CTNNBL1: variants seen among roughly 807,000 people sequenced by gnomAD.
CTNNBL1 encodes beta-catenin-like protein 1.
In CTNNBL1, 31 loss-of-function variants were observed where a neutral mutation model predicts 72.7. The ratio of observed to expected loss-of-function variants is 0.43; its 90% CI spans 0.32 to 0.58. The LOEUF is 0.58. CTNNBL1 is among the 20% of genes least tolerant of loss of function. The pLI, the probability that CTNNBL1 is intolerant of heterozygous loss-of-function variation, is 0.08. For synonymous variants in CTNNBL1, 240 were observed against 267.3 expected (o/e 0.90, Z 1.00); for missense variants, 534 against 725.1 (o/e 0.74, Z 3.03).
At chr20:37,721,759 T>G (rs2073042159) in intron 1 of CTNNBL1, among the ~76,000 whole-genome samples, 1 of 152,254 alleles carries the variant, frequency 6.6e-6, no homozygotes, top group African/African-American at 2.4e-5. Flanking sequence ...TTACTATTTA[T>G]GCATGCATCC....
At chr20:37,792,812 C>CT (rs2073737797) in intron 10 of CTNNBL1, among the ~76,000 whole-genome samples, 1 of 152,206 alleles carries the variant, frequency 6.6e-6, no homozygotes, top group African/African-American at 2.4e-5. Flanking sequence ...GCTACTTTAG[C>CT]TGTGTCATAT....
chr20:37,768,003 G>T lies in CTNNBL1; in HGVS notation c.709G>T (p.Ala237Ser), dbSNP rs2073485971. 2 of 1,613,922 alleles carry T rather than the reference G, an allele frequency of 1.2e-6. No individual in the cohort carries two copies. Among genetic ancestry groups the T allele is most frequent in the African/African-American group, 2.7e-5 (2 of 74,888 alleles). Residue 237 changes from alanine to serine, a missense_variant, in exon 7 of 16, where the codon GCC becomes TCC. Ala to Ser is a moderately conservative substitution (Grantham distance 99). Transcript: ENST00000361383. ...CCGGCCTGAGATGTGTACAGAGGGTGCCCAGCAGGGTCTTCTACAGTGGCT... is the reference window on the plus strand; with the variant it reads ...CCGGCCTGAGATGTGTACAGAGGGTTCCCAGCAGGGTCTTCTACAGTGGCT... ...EFRPEMCTEGAQQGLLQWLLK... is the reference protein window; with the variant it reads ...EFRPEMCTEGSQQGLLQWLLK...
intron 11 of CTNNBL1, among the ~76,000 whole-genome samples, chr20:37,820,733 TG>T (rs1470821857): frequency 3.3e-5 from 5 of 152,182 alleles, no homozygotes; most frequent in Non-Finnish European, 1.5e-5. Flanking sequence ...CTGCCATGAT[TG>T]TAAGTTTCCT....
At chr20:37,857,034 G>A (rs2072449296) in intron 13 of CTNNBL1, among the ~76,000 whole-genome samples, 1 of 152,146 alleles carries the variant, frequency 6.6e-6, no homozygotes, top group South Asian at 2.1e-4. Context: ...CTAGCAACTG[G>A]TAATTATGAG....
chr20:37,804,865 C>T (rs906351693), intron 11 of CTNNBL1, among the ~76,000 whole-genome samples: 7 of 152,206 alleles, frequency 4.6e-5, no homozygotes, highest in Non-Finnish European at 8.8e-5. Context: ...TTAGAGTAAC[C>T]GCATTAGGCA....
chr20:37,740,312 A>T (rs971930395), intron 3 of CTNNBL1, among the ~76,000 whole-genome samples: 12 of 152,202 alleles, frequency 7.9e-5, no homozygotes, highest in African/African-American at 2.7e-4. Context: ...GGTGAAATTA[A>T]GATGAAAATT....
intron 9 of CTNNBL1, among the ~76,000 whole-genome samples, chr20:37,778,111 A>G (rs1448880278): frequency 1.3e-5 from 2 of 152,140 alleles, no homozygotes; most frequent in East Asian, 3.9e-4. Flanking sequence ...GAATAAGCTC[A>G]AGGAGTACAA....
intron 1 of CTNNBL1, among the ~76,000 whole-genome samples, chr20:37,718,389 C>T (rs1298755350): frequency 1.7e-4 from 24 of 141,032 alleles, no homozygotes; most frequent in East Asian, 6.4e-4. Context: ...ACCTCCGGGA[C>T]GGGGCGGCTG....
At chr20:37,863,973 G>A (rs1349949702) in intron 15 of CTNNBL1, among the ~76,000 whole-genome samples, 18 of 152,212 alleles carry the variant, frequency 1.2e-4, no homozygotes, top group African/African-American at 4.3e-4. Flanking sequence ...GGGGAAGCCA[G>A]TCTGCAGCAG....
At chr20:37,851,151 C>T (rs1319662205) in intron 13 of CTNNBL1, among the ~76,000 whole-genome samples, 5 of 152,182 alleles carry the variant, frequency 3.3e-5, no homozygotes, top group African/African-American at 1.2e-4. Flanking sequence ...CCTTGTGTGT[C>T]TTTGGAGATG....
intron 1 of CTNNBL1, among the ~76,000 whole-genome samples, chr20:37,708,598 C>T (rs545578549): frequency 6.6e-6 from 1 of 152,330 alleles, no homozygotes; most frequent in Non-Finnish European, 1.5e-5. Flanking sequence ...AGAATTCCAG[C>T]AGTGACTGAT....
chr20:37,797,507 T>C (rs565294332), intron 10 of CTNNBL1, among the ~76,000 whole-genome samples: 5 of 152,144 alleles, frequency 3.3e-5, no homozygotes, highest in African/African-American at 1.2e-4. Flanking sequence ...ACTCACACCA[T>C]GGATTAATTA....
At chr20:37,801,128 G>T (rs146745878) in intron 10 of CTNNBL1, among the ~76,000 whole-genome samples, 2 of 152,202 alleles carry the variant, frequency 1.3e-5, no homozygotes, top group African/African-American at 2.4e-5. Flanking sequence ...GAACTGGGAC[G>T]CAATCTTTCC....
intron 11 of CTNNBL1, among the ~76,000 whole-genome samples, chr20:37,822,214 A>G (rs2072114244): frequency 6.6e-6 from 1 of 152,208 alleles, no homozygotes; most frequent in South Asian, 2.1e-4. Context: ...AGGAGCAGGA[A>G]GAATTCCTGT....
chr20:37,850,115 T>C (rs2072383608), intron 13 of CTNNBL1, among the ~76,000 whole-genome samples: 1 of 152,224 alleles, frequency 6.6e-6, no homozygotes, highest in South Asian at 2.1e-4. Flanking sequence ...TTTTCAGCCT[T>C]GTATTATTGC....
chr20:37,757,774 A>AG, intron 5 of CTNNBL1, 118 bp downstream of exon 5: 1 of 688,824 alleles, frequency 1.5e-6, no homozygotes, highest in Non-Finnish European at 2.6e-6. Flanking sequence ...GAGTGTGGTG[A>AG]GGCTGGAGTG....
At position 37,802,879 on chromosome 20, in the gene CTNNBL1, C is replaced by T. The variant is rs748058767; in HGVS notation, c.1044C>T (p.Ile348=). 2 of 1,609,586 alleles carry T rather than the reference C, an allele frequency of 1.2e-6. No homozygotes were observed. The highest frequency in any genetic ancestry group is 1.7e-6 in the Non-Finnish European group (2 of 1,177,484). Residue 348 remains isoleucine, a synonymous_variant, in exon 11 of 16, where the codon ATC becomes ATT. Coordinates refer to ENST00000361383, the MANE Select transcript of CTNNBL1 (RefSeq NM_030877.5). ...CTTTTGTTCACAGGGAAAAGAAGAT[C>T]TCCCGGAGCAGTGCCCTGAAAGTGC... ...LMNLMLREKK[I]SRSSALKVLD...
chr20:37,806,300 G>A lies in CTNNBL1; in HGVS notation c.1213+3252G>A, dbSNP rs2071959960. ...TCAGCTCGCCAGTCCAGAAGCTCTA[G>A]AGAGCTACCCCACACTCTTCCCTTT... On this transcript the variant is annotated intron_variant, in intron 11 of 15. Transcript: ENST00000361383. Among the ~76,000 whole-genome samples the A allele has an allele frequency of 2.0e-5, 3 of 152,146 alleles. No individual in the cohort carries two copies. The South Asian group carries it at 6.2e-4, about 32-fold the overall frequency.
intron 1 of CTNNBL1, among the ~76,000 whole-genome samples, chr20:37,723,479 C>T (rs1274021101): frequency 6.6e-6 from 1 of 152,128 alleles, no homozygotes; most frequent in East Asian, 1.9e-4. Context: ...TGCAAAGACT[C>T]TGCTTTGGGA....
Sources: allele counts gnomAD v4.1 joint callset (sites outside exome capture counted in the v4.1 genomes callset), GRCh38; gene constraint gnomAD v4.1.1; transcripts MANE v1.5; gene names NCBI Gene and HGNC (gene_info 2026-07-23, HGNC 2026-07-21).